RGS6: variants seen among roughly 807,000 people sequenced by gnomAD.
The protein encoded by RGS6 is regulator of G-protein signaling 6.
RGS6 carries 30 observed loss-of-function variants against 78.5 expected under a neutral mutation model. The ratio of observed to expected loss-of-function variants is 0.38; its 90% CI spans 0.29 to 0.52. The LOEUF (loss-of-function observed/expected upper bound fraction) is 0.52. Ranked by LOEUF, RGS6 falls within the 20% of genes least tolerant of loss-of-function variation. The pLI is 0.85. For synonymous variants in RGS6, 206 were observed against 206.0 expected (o/e 1.00, Z 0.00); for missense variants, 495 against 609.7 (o/e 0.81, Z 1.98).
intron 5 of RGS6, 73 bp downstream of exon 5, chr14:72,458,450 A>G (rs991987731): frequency 3.4e-6 from 4 of 1,182,304 alleles, no homozygotes; most frequent in African/African-American, 3.0e-5. Flanking sequence ...TAGAACTACA[A>G]AGAAAACCTA....
At chr14:72,184,791 A>C (rs1218522915) in intron 2 of RGS6, among the ~76,000 whole-genome samples, 5 of 152,244 alleles carry the variant, frequency 3.3e-5, no homozygotes, top group Non-Finnish European at 7.3e-5. Context: ...TATTGTTTGC[A>C]CAAATGTAAA....
intron 1 of RGS6, among the ~76,000 whole-genome samples, chr14:71,955,543 C>CA (rs1009119421): frequency 3.3e-5 from 5 of 152,120 alleles, no homozygotes; most frequent in African/African-American, 1.2e-4. Flanking sequence ...ATATGCTAAA[C>CA]AAGGGGTGGA....
intron 2 of RGS6, among the ~76,000 whole-genome samples, chr14:72,160,771 C>T (rs368037431): frequency 2.8e-4 from 43 of 152,240 alleles, no homozygotes; most frequent in African/African-American, 9.1e-4. Flanking sequence ...AGAGACTAAC[C>T]GTGCTGACAC....
intron 2 of RGS6, among the ~76,000 whole-genome samples, chr14:72,234,947 G>T (rs894884238): frequency 1.3e-5 from 2 of 152,086 alleles, no homozygotes; most frequent in Non-Finnish European, 2.9e-5. Context: ...GCACCATATT[G>T]TCAGCCTGAT....
intron 13 of RGS6, among the ~76,000 whole-genome samples, chr14:72,508,561 CCTTTTTTT>C (rs1353024278): frequency 3.7e-4 from 34 of 92,656 alleles, no homozygotes; most frequent in African/African-American, 1.4e-3. Flanking sequence ...CACACAAGCT[CCTTTTTTT>C]TTTTTTTTTT....
chr14:72,518,078 T>C (rs1052457746), intron 14 of RGS6, among the ~76,000 whole-genome samples: 1 of 152,150 alleles, frequency 6.6e-6, no homozygotes, highest in African/African-American at 2.4e-5. Flanking sequence ...AGTGCTGAGG[T>C]TGAGAAACCT....
chr14:72,534,354 C>T (rs1342120318), intron 15 of RGS6, among the ~76,000 whole-genome samples: 5 of 152,150 alleles, frequency 3.3e-5, no homozygotes, highest in Admixed American at 6.5e-5. Flanking sequence ...TACTGGGAAA[C>T]GAAATATTTC....
intron 2 of RGS6, among the ~76,000 whole-genome samples, chr14:72,291,476 T>C (rs1409066946): frequency 6.6e-6 from 1 of 152,192 alleles, no homozygotes; most frequent in Non-Finnish European, 1.5e-5. Context: ...TTTATTACAC[T>C]AGTCCATATG....
intron 2 of RGS6, among the ~76,000 whole-genome samples, chr14:72,336,723 G>A (rs2076094144): frequency 6.6e-6 from 1 of 152,106 alleles, no homozygotes; most frequent in Admixed American, 6.5e-5. Flanking sequence ...CAAAGTGGGT[G>A]GGCTAAGTAA....
Position 72,212,583 on chromosome 14 carries a change from A to C in RGS6, c.85-139512A>C, listed in dbSNP as rs76827363. 2.3e-3 allele frequency among the ~76,000 whole-genome samples: 352 copies of C among 152,308 alleles called. 2 individuals are homozygous for C. Among genetic ancestry groups the C allele is most frequent in the African/African-American group, 8.2e-3 (342 of 41,574 alleles). Reference sequence around the variant, plus strand: ...GTGACACATCAGAGATTTAATTATTACAGTTTTGTATTCTTGCTTTCTGTG... The same window carrying C: ...GTGACACATCAGAGATTTAATTATTCCAGTTTTGTATTCTTGCTTTCTGTG... On this transcript the variant is annotated intron_variant, in intron 2 of 17. Coordinates refer to ENST00000553525, the MANE Select transcript of RGS6 (RefSeq NM_001204424.2).
At chr14:71,954,629 T>A (rs190795706) in intron 1 of RGS6, among the ~76,000 whole-genome samples, 7 of 152,326 alleles carry the variant, frequency 4.6e-5, no homozygotes, top group African/African-American at 1.7e-4. Flanking sequence ...GAGTTGTTGT[T>A]ATTGACATTA....
chr14:72,604,798 G>A, the RGS6 span, among the ~76,000 whole-genome samples: 9 of 152,278 alleles, frequency 5.9e-5, no homozygotes, highest in Non-Finnish European at 8.8e-5. Flanking sequence ...TCCCTGGCGG[G>A]GATGGCATTA....
the RGS6 span, among the ~76,000 whole-genome samples, chr14:71,903,494 T>C: frequency 2.0e-5 from 3 of 152,328 alleles, no homozygotes; most frequent in African/African-American, 7.2e-5. Context: ...ATATCCAGTT[T>C]GCTGGGTTCA....
At chr14:72,360,712 A>G (rs1247775112) in intron 3 of RGS6, among the ~76,000 whole-genome samples, 1 of 152,174 alleles carries the variant, frequency 6.6e-6, no homozygotes, top group Non-Finnish European at 1.5e-5. Context: ...ATCATAAGTT[A>G]TAAATTAGTC....
the RGS6 span, among the ~76,000 whole-genome samples, chr14:71,881,148 A>G: frequency 6.6e-6 from 1 of 152,120 alleles, no homozygotes; most frequent in African/African-American, 2.4e-5. Context: ...AATTTATTCC[A>G]TTTGGAATGG....
At chr14:72,381,585 G>A (rs1224500307) in intron 3 of RGS6, among the ~76,000 whole-genome samples, 2 of 152,112 alleles carry the variant, frequency 1.3e-5, no homozygotes, top group Admixed American at 1.3e-4. Flanking sequence ...AATTCTACAT[G>A]TAATGAAACT....
chr14:72,021,233 G>A lies in RGS6; in HGVS notation c.84+56358G>A, dbSNP rs117648752. Among the ~76,000 whole-genome samples the A allele has an allele frequency of 8.9e-3, 1,358 of 152,138 alleles. 7 individuals are homozygous for A. Among genetic ancestry groups the A allele is most frequent in the Non-Finnish European group, 0.012 (810 of 68,002 alleles). On this transcript the variant is annotated intron_variant, in intron 2 of 17. Transcript: ENST00000553525. ...AAATCTTCTTTCCCACAGCCGTTGT[G>A]GATAGGAAGCCTCTGCCTGGCTGAG...
intron 2 of RGS6, among the ~76,000 whole-genome samples, chr14:71,981,311 G>A (rs2094439397): frequency 6.6e-6 from 1 of 152,312 alleles, no homozygotes; most frequent in Admixed American, 6.5e-5. Context: ...GTGAGGAACT[G>A]CTTCCCTTTG....
chr14:71,889,153 G>T, the RGS6 span, among the ~76,000 whole-genome samples: 4 of 152,106 alleles, frequency 2.6e-5, no homozygotes, highest in Non-Finnish European at 2.9e-5. Flanking sequence ...TGGTCCAGGG[G>T]AGAGGAGAAC....
Sources: allele counts gnomAD v4.1 joint callset (sites outside exome capture counted in the v4.1 genomes callset), GRCh38; gene constraint gnomAD v4.1.1; transcripts MANE v1.5; gene names NCBI Gene and HGNC (gene_info 2026-07-23, HGNC 2026-07-21).